Variants in SGCZ observed in about 807,000 individuals in gnomAD.
The protein encoded by SGCZ is sarcoglycan zeta.
SGCZ carries 40 observed loss-of-function variants against 41.3 expected under a neutral mutation model. The observed-to-expected ratio is 0.97, with a 90% CI of 0.75 to 1.26. The LOEUF is 1.26. SGCZ is among the 50% of genes most tolerant of loss of function. SGCZ has a pLI of 0.00. For missense variants in SGCZ, 552 were observed against 369.8 expected (o/e 1.49, Z -4.04); for synonymous variants, 206 against 137.5 (o/e 1.50, Z -3.49).
At chr8:14,323,643 C>T (rs899133215) in intron 3 of SGCZ, among the ~76,000 whole-genome samples, 1 of 152,112 alleles carries the variant, frequency 6.6e-6, no homozygotes, top group Admixed American at 6.6e-5. Context: ...TGTTTTACAT[C>T]ACGTACATCC....
intron 5 of SGCZ, among the ~76,000 whole-genome samples, chr8:14,132,278 A>T (rs1803064944): frequency 6.6e-6 from 1 of 152,170 alleles, no homozygotes; most frequent in South Asian, 2.1e-4. Flanking sequence ...ATAATGTTAA[A>T]TACCAGCATT....
intron 1 of SGCZ, among the ~76,000 whole-genome samples, chr8:14,827,146 G>A (rs1802356705): frequency 7.1e-6 from 1 of 141,110 alleles, no homozygotes; most frequent in African/African-American, 2.8e-5. Flanking sequence ...TGGCAGCTAA[G>A]TTCCAAGAAT....
At chr8:14,423,723 T>G (rs571578319) in intron 2 of SGCZ, among the ~76,000 whole-genome samples, 1 of 152,320 alleles carries the variant, frequency 6.6e-6, no homozygotes, top group Non-Finnish European at 1.5e-5. Flanking sequence ...TTATCATTAA[T>G]ATTTCATTTT....
intron 1 of SGCZ, among the ~76,000 whole-genome samples, chr8:14,747,599 G>T (rs1244030765): frequency 6.6e-6 from 1 of 151,446 alleles, no homozygotes; most frequent in Non-Finnish European, 1.5e-5. Context: ...TTTTTCAGAT[G>T]AAAACCATTA....
chr8:14,358,381 A>G (rs772128422), intron 2 of SGCZ, among the ~76,000 whole-genome samples: 12 of 152,164 alleles, frequency 7.9e-5, no homozygotes, highest in Admixed American at 3.9e-4. Context: ...ATCATTATCT[A>G]CAAATCATGT....
chr8:14,537,545 C>G (rs759511905), intron 2 of SGCZ, among the ~76,000 whole-genome samples: 1 of 146,046 alleles, frequency 6.8e-6, no homozygotes. Context: ...TTCTTCTCTT[C>G]TCTTTCTTTC....
intron 1 of SGCZ, among the ~76,000 whole-genome samples, chr8:14,757,499 A>G (rs2410210): frequency 0.35 from 52,660 of 152,108 alleles, 11,210 homozygotes; most frequent in East Asian, 0.51. Context: ...CTAAGAGTTC[A>G]GAGAATAGAA....
At chr8:14,761,721 T>C (rs1799885323) in intron 1 of SGCZ, among the ~76,000 whole-genome samples, 2 of 151,900 alleles carry the variant, frequency 1.3e-5, no homozygotes, top group South Asian at 4.2e-4. Context: ...AGACAGAGTT[T>C]CACCATGTTG....
intron 1 of SGCZ, among the ~76,000 whole-genome samples, chr8:15,151,104 G>T (rs965573547): frequency 3.3e-5 from 5 of 152,228 alleles, no homozygotes; most frequent in Admixed American, 1.3e-4. Context: ...CGCTGGAGCG[G>T]CCTCGGAGGA....
intron 1 of SGCZ, among the ~76,000 whole-genome samples, chr8:15,018,041 C>A (rs576617109): frequency 6.6e-6 from 1 of 152,206 alleles, no homozygotes; most frequent in Middle Eastern, 3.4e-3. Flanking sequence ...AAAGTCAAAG[C>A]TGTATGCAAA....
At chr8:14,164,934 T>C (rs111976535) in intron 4 of SGCZ, 11 of 455,140 alleles carry the variant, frequency 2.4e-5, no homozygotes, top group Middle Eastern at 6.3e-4. Context: ...ATGTCTGACA[T>C]AGCATGTGAG....
At chr8:14,489,569 C>T (rs7006747) in intron 2 of SGCZ, among the ~76,000 whole-genome samples, 72,813 of 151,520 alleles carry the variant, frequency 0.48, 17,610 homozygotes, top group Admixed American at 0.54. Flanking sequence ...CTTTTTTAAC[C>T]CACTTTTTAA....
chr8:14,414,497 G>A (rs1799443871), intron 2 of SGCZ, among the ~76,000 whole-genome samples: 1 of 151,828 alleles, frequency 6.6e-6, no homozygotes, highest in Non-Finnish European at 1.5e-5. Flanking sequence ...ACCTGCTTGA[G>A]ATAAATTTAG....
chr8:15,049,904 T>C (rs140314678), intron 1 of SGCZ, among the ~76,000 whole-genome samples: 210 of 152,296 alleles, frequency 1.4e-3, no homozygotes, highest in Non-Finnish European at 2.6e-3. Context: ...TTGCTCCTCC[T>C]TCACTTTCTG....
chr8:15,054,707 C>T lies in SGCZ; in HGVS notation c.39+182878G>A, dbSNP rs183698243. Among the ~76,000 whole-genome samples the T allele has an allele frequency of 4.1e-3, 621 of 152,070 alleles. 5 individuals carry two copies. Among genetic ancestry groups the T allele is most frequent in the Middle Eastern group, 0.017 (5 of 294 alleles). ...CAGTGGCTCACACCTGCAATCCCAG[C>T]ACTTTAGGAGGCTGAGGCGGGCAGA... On this transcript the variant is annotated intron_variant, in intron 1 of 7. Transcript: ENST00000382080.
At chr8:14,430,481 G>C (rs562422510) in intron 2 of SGCZ, among the ~76,000 whole-genome samples, 3 of 152,052 alleles carry the variant, frequency 2.0e-5, no homozygotes, top group Admixed American at 2.0e-4. Context: ...AAAAGCATTG[G>C]ACAAAATCCA....
intron 2 of SGCZ, among the ~76,000 whole-genome samples, chr8:14,325,772 A>C (rs1394382416): frequency 2.9e-5 from 3 of 103,064 alleles, no homozygotes; most frequent in African/African-American, 1.1e-4. Flanking sequence ...ATATATATAT[A>C]TATATATATA....
chr8:14,867,773 A>G lies in SGCZ; in HGVS notation c.40-312847T>C, dbSNP rs537781744. Among the ~76,000 whole-genome samples, 7 of 152,124 alleles carry G rather than the reference A, an allele frequency of 4.6e-5. 1 individual carries two copies. The highest frequency in any genetic ancestry group is 1.7e-4 in the African/African-American group (7 of 41,514). On this transcript the variant is annotated intron_variant, in intron 1 of 7. Transcript: ENST00000382080. ...CACTGGGGCCTCTTGGAGGGTGGAG[A>G]GTGGGAGAAGGGAGAGGATCAGGAA...
chr8:14,813,975 A>C (rs1441676558), intron 1 of SGCZ, among the ~76,000 whole-genome samples: 1 of 152,272 alleles, frequency 6.6e-6, no homozygotes, highest in East Asian at 1.9e-4. Context: ...GCAAATAAGT[A>C]AATAAAAACA....
Sources: allele counts gnomAD v4.1 joint callset (sites outside exome capture counted in the v4.1 genomes callset), GRCh38; gene constraint gnomAD v4.1.1; transcripts MANE v1.5; gene names NCBI Gene and HGNC (gene_info 2026-07-23, HGNC 2026-07-21).